Variants in MYO5B observed in about 807,000 individuals in gnomAD.
MYO5B encodes myosin VB.
A neutral mutation model predicts 229.3 loss-of-function variants in MYO5B; 143 were observed. The observed-to-expected ratio is 0.62, with a 90% CI of 0.54 to 0.72. The LOEUF (loss-of-function observed/expected upper bound fraction) is 0.72. Ranked by LOEUF, MYO5B falls within the 30% of genes least tolerant of loss-of-function variation. The probability of loss-of-function intolerance (pLI) is 0.00; values close to 1 mark genes in which losing one functional copy is unlikely to be tolerated. For synonymous variants in MYO5B, 918 were observed against 885.2 expected (o/e 1.04, Z -0.66); for missense variants, 2,321 against 2,331.0 (o/e 1.00, Z 0.09).
chr18:50,018,028 CT>C (rs1198242515), intron 4 of MYO5B, among the ~76,000 whole-genome samples: 1 of 152,070 alleles, frequency 6.6e-6, no homozygotes, highest in Admixed American at 6.5e-5. Context: ...TTAAATGGGT[CT>C]CTTTTAAGTG....
At chr18:49,994,207 T>G (rs2025962879) in intron 5 of MYO5B, among the ~76,000 whole-genome samples, 1 of 152,158 alleles carries the variant, frequency 6.6e-6, no homozygotes, top group African/African-American at 2.4e-5. Flanking sequence ...TTCTTCCCCT[T>G]AGCCCATATG....
chr18:49,880,227 C>A (rs1394850114), intron 23 of MYO5B, 144 bp downstream of exon 23: 2 of 788,564 alleles, frequency 2.5e-6, no homozygotes, highest in Admixed American at 3.6e-5. Flanking sequence ...TCTTAAAGGT[C>A]ATTATTCTTC....
chr18:50,175,055 G>C (rs1274825217), intron 1 of MYO5B, among the ~76,000 whole-genome samples: 1 of 152,172 alleles, frequency 6.6e-6, no homozygotes, highest in Non-Finnish European at 1.5e-5. Context: ...GGACACTATG[G>C]GGAAGTGACA....
intron 1 of MYO5B, among the ~76,000 whole-genome samples, chr18:50,074,344 A>C (rs2031028197): frequency 6.6e-6 from 1 of 152,212 alleles, no homozygotes; most frequent in African/African-American, 2.4e-5. Flanking sequence ...GATTTGGGTG[A>C]GGACACAGCC....
intron 1 of MYO5B, chr18:50,097,255 C>T (rs1471169036): frequency 8.8e-6 from 4 of 456,632 alleles, no homozygotes; most frequent in Non-Finnish European, 1.8e-5. Context: ...TCTCTTGTGA[C>T]AGGCCAGTGC....
At chr18:50,189,263 C>T (rs1437901991) in intron 1 of MYO5B, among the ~76,000 whole-genome samples, 1 of 152,012 alleles carries the variant, frequency 6.6e-6, no homozygotes, top group Non-Finnish European at 1.5e-5. Flanking sequence ...CAGTGTTTTC[C>T]GGAAAAGACT....
chr18:49,906,355 G>GA, intron 19 of MYO5B, 64 bp downstream of exon 19: 1 of 1,517,568 alleles, frequency 6.6e-7, no homozygotes, highest in Non-Finnish European at 9.1e-7. Context: ...AAGTAGCTGA[G>GA]AAAGGCAGAC....
intron 21 of MYO5B, among the ~76,000 whole-genome samples, chr18:49,898,149 CTA>C (rs2024801308): frequency 1.3e-5 from 2 of 152,188 alleles, no homozygotes; most frequent in African/African-American, 4.8e-5. Context: ...TAAGCGAAAT[CTA>C]TGATGTTCAC....
intron 14 of MYO5B, among the ~76,000 whole-genome samples, chr18:49,943,887 T>C (rs1049807812): frequency 3.9e-5 from 6 of 152,138 alleles, no homozygotes; most frequent in Non-Finnish European, 8.8e-5. Flanking sequence ...GACAGGATTC[T>C]CTTAGGGAGG....
chr18:49,878,422 T>C (rs1251047203), intron 24 of MYO5B, among the ~76,000 whole-genome samples: 2 of 138 alleles, frequency 0.014, no homozygotes, highest in Non-Finnish European at 0.024. Context: ...CCTATTCAGC[T>C]TTTCTTTCCT....
intron 1 of MYO5B, chr18:50,097,364 T>G: frequency 2.3e-6 from 1 of 442,446 alleles, no homozygotes. Flanking sequence ...TGATTCCCAG[T>G]CCAAGTTCAC....
intron 1 of MYO5B, among the ~76,000 whole-genome samples, chr18:50,160,066 G>A (rs1401486717): frequency 6.6e-6 from 1 of 152,238 alleles, no homozygotes; most frequent in Non-Finnish European, 1.5e-5. Context: ...CTCTGTCCAT[G>A]GGACCACATG....
At chr18:49,840,839 A>G (rs1361301226) in intron 35 of MYO5B, among the ~76,000 whole-genome samples, 1 of 152,250 alleles carries the variant, frequency 6.6e-6, no homozygotes, top group African/African-American at 2.4e-5. Flanking sequence ...GCCTCAGGTC[A>G]AGGAATCCAA....
intron 37 of MYO5B, 71 bp from the exon 38 acceptor site, chr18:49,836,956 G>A: frequency 6.8e-7 from 1 of 1,478,870 alleles, no homozygotes; most frequent in Admixed American, 1.8e-5. Context: ...GACACCTGTT[G>A]TGTTTTGCAG....
chr18:50,057,815 T>C (rs1056516657), intron 1 of MYO5B, among the ~76,000 whole-genome samples: 2 of 152,126 alleles, frequency 1.3e-5, no homozygotes, highest in Non-Finnish European at 1.5e-5. Flanking sequence ...CGTCATCACC[T>C]AGGAGCAGGT....
intron 1 of MYO5B, among the ~76,000 whole-genome samples, chr18:50,078,609 G>A (rs79401120): frequency 0.043 from 6,490 of 152,266 alleles, 148 homozygotes; most frequent in African/African-American, 0.054. Context: ...CATTGGCAAG[G>A]ATGTGGAACA....
At chr18:50,174,665 A>G (rs1355110251) in intron 1 of MYO5B, among the ~76,000 whole-genome samples, 1 of 152,218 alleles carries the variant, frequency 6.6e-6, no homozygotes, top group African/African-American at 2.4e-5. Flanking sequence ...GAAGCCAGCC[A>G]TCGTGAGTTC....
At chr18:50,099,547 C>T (rs1400905536) in intron 1 of MYO5B, among the ~76,000 whole-genome samples, 2 of 152,162 alleles carry the variant, frequency 1.3e-5, no homozygotes, top group African/African-American at 2.4e-5. Context: ...GTAAGTAAAA[C>T]GTAGTTGATT....
intron 22 of MYO5B, among the ~76,000 whole-genome samples, chr18:49,884,418 G>A (rs562728824): frequency 3.6e-4 from 55 of 152,000 alleles, no homozygotes; most frequent in Non-Finnish European, 5.3e-4. Flanking sequence ...TCACCATAAT[G>A]TAGAATCAGT....
Sources: allele counts gnomAD v4.1 joint callset (sites outside exome capture counted in the v4.1 genomes callset), GRCh38; gene constraint gnomAD v4.1.1; transcripts MANE v1.5; gene names NCBI Gene and HGNC (gene_info 2026-07-23, HGNC 2026-07-21).